Variants in CDNF observed in about 807,000 individuals in gnomAD.
CDNF encodes cerebral dopamine neurotrophic factor, also known as ARMET-like protein 1.
In CDNF, 9 loss-of-function variants were observed where a neutral mutation model predicts 14.8. The observed-to-expected ratio is 0.61, with a 90% CI of 0.37 to 1.06. The LOEUF (loss-of-function observed/expected upper bound fraction) is 1.06. Ranked by LOEUF, CDNF falls within the 50% of genes least tolerant of loss-of-function variation. The pLI, the probability that CDNF is intolerant of heterozygous loss-of-function variation, is 0.01. For synonymous variants in CDNF, 86 were observed against 87.2 expected, an observed-to-expected ratio of 0.99 and a Z score of 0.07; for missense variants, 228 against 228.4, an observed-to-expected ratio of 1.00 and a Z score of 0.01.
At chr10:14,829,491 C>G (rs1333149605) in intron 1 of CDNF, among the ~76,000 whole-genome samples, 1 of 152,146 alleles carries the variant, frequency 6.6e-6, no homozygotes, top group African/African-American at 2.4e-5. Flanking sequence ...AAATGGGAGG[C>G]TTGTTAGGTC....
intron 1 of CDNF, among the ~76,000 whole-genome samples, chr10:14,829,730 A>G (rs975632817): frequency 6.6e-6 from 1 of 152,056 alleles, no homozygotes; most frequent in African/African-American, 2.4e-5. Context: ...CCCTGGCTCA[A>G]GTGATTCTCC....
chr10:14,824,565 C>G (rs1833763393), intron 3 of CDNF, among the ~76,000 whole-genome samples: 1 of 146,898 alleles, frequency 6.8e-6, no homozygotes, highest in South Asian at 2.1e-4. Context: ...AAGATCGCAC[C>G]ACTGCACTCC....
At chr10:14,825,887 G>A (rs1833775447) in intron 2 of CDNF, among the ~76,000 whole-genome samples, 1 of 151,522 alleles carries the variant, frequency 6.6e-6, no homozygotes, top group Admixed American at 6.6e-5. Context: ...GGAGGTGGAG[G>A]TTGCAGTGAG....
intron 2 of CDNF, among the ~76,000 whole-genome samples, chr10:14,826,002 A>AAGAGGC (rs1833776941): frequency 1.5e-5 from 2 of 134,562 alleles, no homozygotes; most frequent in Admixed American, 7.6e-5. Flanking sequence ...GAAGCAGCAG[A>AAGAGGC]AGAAGCAGAA....
chr10:14,831,517 A>AAATACATATATACACATATAT (rs1347830741), intron 1 of CDNF, among the ~76,000 whole-genome samples: 1 of 149,364 alleles, frequency 6.7e-6, no homozygotes, highest in African/African-American at 2.4e-5. Flanking sequence ...CATATATATA[A>AAATACATATATACACATATAT]AATACATATA....
chr10:14,830,448 C>T (rs551539643), intron 1 of CDNF, among the ~76,000 whole-genome samples: 1 of 152,322 alleles, frequency 6.6e-6, no homozygotes, highest in South Asian at 2.1e-4. Context: ...TGCCCTTCTT[C>T]CCTAGGGGTT....
rs66493377 is a variant in CDNF at position 14,831,462 on chromosome 10, C to CATAT, written c.116-3194_116-3191dup. The stretch of plus-strand genomic sequence containing the variant: ...CATGTCATCTTTTAGAGCTTAAAGT[C>CATAT]ATATATATATATATATATACACACA... On this transcript the variant is annotated intron_variant, in intron 1 of 3. Coordinates refer to ENST00000465530, the MANE Select transcript of CDNF (RefSeq NM_001029954.3). Among the ~76,000 whole-genome samples, 815 of 145,188 alleles carry CATAT rather than the reference C, an allele frequency of 5.6e-3. 5 individuals carry two copies. The highest frequency in any genetic ancestry group is 0.013 in the African/African-American group (517 of 39,650).
chr10:14,826,600 G>A (rs1275309253), intron 2 of CDNF, among the ~76,000 whole-genome samples: 7 of 152,180 alleles, frequency 4.6e-5, no homozygotes, highest in African/African-American at 9.7e-5. Context: ...CTCCATTCTC[G>A]TGATCATCCT....
intron 3 of CDNF, among the ~76,000 whole-genome samples, chr10:14,824,852 A>G (rs534063793): frequency 1.2e-4 from 18 of 152,294 alleles, no homozygotes; most frequent in Non-Finnish European, 2.4e-4. Flanking sequence ...CCAAGATCCA[A>G]ATCACCAGGA....
rs569116163 is a variant in CDNF at position 14,835,280 on chromosome 10, C to G, written c.115+2552G>C. On this transcript the variant is annotated intron_variant, in intron 1 of 3. Coordinates refer to ENST00000465530, the MANE Select transcript of CDNF (RefSeq NM_001029954.3). ...TGGGTTGCCAAGAAGAGTGTGTAGA[C>G]TGAGAAGAGAGAAGAGAAGAGAGCA... Among the ~76,000 whole-genome samples the G allele has an allele frequency of 7.9e-5, 12 of 152,124 alleles. No homozygotes were observed. The South Asian group carries it at 2.3e-3, about 29-fold the overall frequency.
chr10:14,826,260 TAGAAGAAGCAGC>T (rs1280613788), intron 2 of CDNF, among the ~76,000 whole-genome samples: 4 of 100,074 alleles, frequency 4.0e-5, no homozygotes, highest in East Asian at 2.9e-4. Flanking sequence ...TAAGAAGCAG[TAGAAGAAGCAGC>T]AGAAGAAGCA....
chr10:14,822,024 A>C (rs1227082631), intron 3 of CDNF, among the ~76,000 whole-genome samples: 1 of 152,232 alleles, frequency 6.6e-6, no homozygotes, highest in Non-Finnish European at 1.5e-5. Flanking sequence ...ACGTGAATAA[A>C]ATTAGGAATA....
chr10:14,828,098 G>A, intron 2 of CDNF, 47 bp downstream of exon 2: 1 of 1,599,328 alleles, frequency 6.3e-7, no homozygotes, highest in Non-Finnish European at 8.6e-7. Flanking sequence ...ACTATTAGCA[G>A]TATTCTTCAA....
chr10:14,825,857 GGT>G (rs1413747495), intron 2 of CDNF, among the ~76,000 whole-genome samples: 1 of 151,588 alleles, frequency 6.6e-6, no homozygotes, highest in African/African-American at 2.4e-5. Context: ...AAATTAGCCA[GGT>G]GTGCTTGCTT....
In CDNF at chr10:14,830,078, C is replaced by T. The variant is rs188375055; in HGVS notation, c.116-1806G>A. On this transcript the variant is annotated intron_variant, in intron 1 of 3. Coordinates refer to ENST00000465530, the MANE Select transcript of CDNF (RefSeq NM_001029954.3). ...AGCCTGAGATGAAGGAGCATTATTTCCAGTAAGGATTTGTATTTGTATTTC... is the reference window on the plus strand; with the variant it reads ...AGCCTGAGATGAAGGAGCATTATTTTCAGTAAGGATTTGTATTTGTATTTC... Among the ~76,000 whole-genome samples, 6 of 152,254 alleles carry T rather than the reference C, an allele frequency of 3.9e-5. No individual in the cohort carries two copies. The East Asian group carries it at 1.2e-3, about 29-fold the overall frequency.
At position 14,826,092 on chromosome 10, in the gene CDNF, AAGAAGCAGC is replaced by A. The variant is rs1439551012; in HGVS notation, c.244-481_244-473del. Among the ~76,000 whole-genome samples the A allele has an allele frequency of 1.6e-3, 177 of 110,918 alleles. 2 individuals carry two copies. Among genetic ancestry groups the A allele is most frequent in the Middle Eastern group, 4.8e-3 (1 of 208 alleles). The allele number at this position is 110,918 out of a possible 152,430, so 72.8% of individuals were successfully genotyped here. A position where few individuals can be genotyped will look rare whatever the true frequency, so the allele number is the denominator to read the frequency against. On this transcript the variant is annotated intron_variant, in intron 2 of 3. Transcript: ENST00000465530. ...GAAGAAGAAGAAGAAGAAGAAGAAG[AAGAAGCAGC>A]AGCAGCAGCAGCAGCAGCAGCAGAA... is the stretch of plus-strand genomic sequence containing the variant.
chr10:14,830,148 A>G (rs1833833129), intron 1 of CDNF, among the ~76,000 whole-genome samples: 1 of 152,206 alleles, frequency 6.6e-6, no homozygotes. Context: ...TAAACTAAAT[A>G]TATAGCTTGA....
chr10:14,822,039 C>T (rs189419954), intron 3 of CDNF, among the ~76,000 whole-genome samples: 158 of 152,292 alleles, frequency 1.0e-3, no homozygotes, highest in African/African-American at 3.5e-3. Context: ...GGAATATTCT[C>T]GCTGAACCTT....
At chr10:14,832,269 A>T (rs1833850313) in intron 1 of CDNF, among the ~76,000 whole-genome samples, 1 of 152,218 alleles carries the variant, frequency 6.6e-6, no homozygotes, top group Non-Finnish European at 1.5e-5. Context: ...CAAGGCTCAA[A>T]TGCAGGAGTG....
Sources: gnomAD v4.1 joint callset for allele counts (sites outside exome capture counted in the v4.1 genomes callset) on GRCh38, gnomAD v4.1.1 for gene constraint, MANE v1.5 for transcripts, NCBI Gene and HGNC (gene_info 2026-07-23, HGNC 2026-07-21) for gene names.